The following SORCS3 variants were observed in gnomAD, a reference collection of about 807,000 sequenced individuals.
The protein encoded by SORCS3 is sortilin related VPS10 domain containing receptor 3.
Under a neutral mutation model 146.3 loss-of-function variants are expected in SORCS3, and 57 were observed. The ratio of observed to expected loss-of-function variants is 0.39; its 90% CI spans 0.31 to 0.49. The LOEUF (loss-of-function observed/expected upper bound fraction) is 0.49. Ranked by LOEUF, SORCS3 falls within the 20% of genes least tolerant of loss-of-function variation. The pLI is 0.92. For synonymous variants in SORCS3, 653 were observed against 618.5 expected (o/e 1.06, Z -0.83); for missense variants, 1,341 against 1,575.5 (o/e 0.85, Z 2.52).
chr10:105,019,465 C>T (rs2055186512), intron 4 of SORCS3, among the ~76,000 whole-genome samples: 1 of 152,154 alleles, frequency 6.6e-6, no homozygotes, highest in Admixed American at 6.5e-5. Flanking sequence ...TTTCTGTAAA[C>T]ATTTGCTAGC....
At chr10:104,775,606 A>C (rs1214157281) in intron 1 of SORCS3, among the ~76,000 whole-genome samples, 1 of 152,218 alleles carries the variant, frequency 6.6e-6, no homozygotes, top group Non-Finnish European at 1.5e-5. Flanking sequence ...AGAAAAATAC[A>C]GTGCAGCTGG....
At chr10:104,791,923 A>G (rs780061073) in intron 1 of SORCS3, among the ~76,000 whole-genome samples, 4 of 152,206 alleles carry the variant, frequency 2.6e-5, no homozygotes, top group Non-Finnish European at 4.4e-5. Flanking sequence ...GGTTCTCTGC[A>G]ACTCTGGGAA....
intron 1 of SORCS3, among the ~76,000 whole-genome samples, chr10:104,814,185 C>T (rs1384134327): frequency 6.6e-6 from 1 of 152,108 alleles, no homozygotes; most frequent in Non-Finnish European, 1.5e-5. Flanking sequence ...ATCAGCTTTC[C>T]TTTTTGTGGA....
At chr10:104,751,924 C>CATACATATATATATATAT (rs1554848908) in intron 1 of SORCS3, among the ~76,000 whole-genome samples, 1 of 38,456 alleles carries the variant, frequency 2.6e-5, no homozygotes, top group Admixed American at 4.7e-4. Flanking sequence ...TAATAGGAAG[C>CATACATATATATATATAT]ATATATATAT....
In SORCS3 at chr10:105,066,872, G is replaced by A. The variant is rs75265049; in HGVS notation, c.1029-22903G>A. 0.013 allele frequency among the ~76,000 whole-genome samples: 1,953 copies of A among 152,178 alleles called. 79 individuals carry two copies. In the East Asian group the frequency reaches 0.15, roughly 11 times the overall value. ...TTGAGCCTTCTCTCTCACCAAAAAA[G>A]TAGAGCCTAAAAGACGTAAATGTAC... On this transcript the variant is annotated intron_variant, in intron 5 of 26. Transcript: ENST00000369701.
intron 20 of SORCS3, among the ~76,000 whole-genome samples, chr10:105,239,688 A>T (rs1304628481): frequency 6.6e-6 from 1 of 152,198 alleles, no homozygotes; most frequent in Non-Finnish European, 1.5e-5. Flanking sequence ...GAAGTCAATC[A>T]GCTGCCTGTT....
intron 17 of SORCS3, 71 bp from the exon 18 acceptor site, chr10:105,214,365 AACACAC>A: frequency 2.1e-6 from 3 of 1,433,066 alleles, no homozygotes; most frequent in Non-Finnish European, 2.9e-6. Context: ...TTCCCTTTAT[AACACAC>A]ACACACACAC....
intron 2 of SORCS3, among the ~76,000 whole-genome samples, chr10:104,908,223 C>T (rs1055418980): frequency 1.3e-5 from 2 of 152,214 alleles, no homozygotes; most frequent in African/African-American, 2.4e-5. Context: ...ATAGTTGTAT[C>T]TTTTGATTCT....
intron 1 of SORCS3, among the ~76,000 whole-genome samples, chr10:104,719,625 C>T (rs1021712825): frequency 4.6e-5 from 7 of 152,158 alleles, no homozygotes; most frequent in Admixed American, 2.0e-4. Flanking sequence ...ATCATTTATA[C>T]CTGCCTCCAG....
intron 17 of SORCS3, 26 bp downstream of exon 17, chr10:105,211,276 A>C: frequency 1.3e-6 from 2 of 1,504,736 alleles, no homozygotes; most frequent in Non-Finnish European, 1.8e-6. Context: ...ACAGGAACTC[A>C]GCTCCCTGTT....
intron 1 of SORCS3, among the ~76,000 whole-genome samples, chr10:104,657,717 A>G (rs1230703085): frequency 6.6e-6 from 1 of 152,092 alleles, no homozygotes; most frequent in Non-Finnish European, 1.5e-5. Context: ...GGGCCTTCAG[A>G]CTCTAACATT....
At position 105,008,855 on chromosome 10, in the gene SORCS3, C is replaced by G. The variant is rs181403367; in HGVS notation, c.954+31362C>G. 1.4e-4 allele frequency among the ~76,000 whole-genome samples: 22 copies of G among 152,256 alleles called. No individual in the cohort carries two copies. In the East Asian group the frequency reaches 4.3e-3, roughly 29 times the overall value. On this transcript the variant is annotated intron_variant, in intron 4 of 26. Coordinates refer to ENST00000369701, the MANE Select transcript of SORCS3 (RefSeq NM_014978.3). ...AGAGACAGGGTTTCACCATGTTTCCCAGGCTGGTCTTAAACTCATGAGCTC... is the reference window on the plus strand; with the variant it reads ...AGAGACAGGGTTTCACCATGTTTCCGAGGCTGGTCTTAAACTCATGAGCTC...
At chr10:105,064,129 C>A (rs2055506298) in intron 5 of SORCS3, among the ~76,000 whole-genome samples, 1 of 152,214 alleles carries the variant, frequency 6.6e-6, no homozygotes, top group African/African-American at 2.4e-5. Flanking sequence ...GAAACAGACA[C>A]CGTCTCTGCC....
At chr10:104,955,321 A>C (rs1308084555) in intron 3 of SORCS3, among the ~76,000 whole-genome samples, 1 of 150,432 alleles carries the variant, frequency 6.6e-6, no homozygotes, top group Non-Finnish European at 1.5e-5. Context: ...GTGTTTTCGA[A>C]GTTTTTTTCA....
At chr10:105,071,254 T>G (rs1236924257) in intron 5 of SORCS3, among the ~76,000 whole-genome samples, 1 of 152,196 alleles carries the variant, frequency 6.6e-6, no homozygotes, top group South Asian at 2.1e-4. Context: ...ATAAAATGAA[T>G]GAAAGGCTGT....
intron 3 of SORCS3, among the ~76,000 whole-genome samples, chr10:104,937,929 G>A (rs907849333): frequency 6.6e-6 from 1 of 152,146 alleles, no homozygotes; most frequent in African/African-American, 2.4e-5. Context: ...CAGTGGTTTG[G>A]ATGCAGGTGC....
At chr10:105,072,052 A>AT (rs1369254365) in intron 5 of SORCS3, among the ~76,000 whole-genome samples, 1 of 152,218 alleles carries the variant, frequency 6.6e-6, no homozygotes, top group Non-Finnish European at 1.5e-5. Context: ...AAGTATCAGC[A>AT]TTTTAAGCAG....
intron 7 of SORCS3, among the ~76,000 whole-genome samples, chr10:105,109,436 A>C (rs1432659603): frequency 1.3e-5 from 2 of 152,062 alleles, no homozygotes; most frequent in Admixed American, 1.3e-4. Flanking sequence ...TTTTGATTTT[A>C]GTCTTATAGG....
chr10:105,129,746 A>G (rs898075361), intron 7 of SORCS3, among the ~76,000 whole-genome samples: 1 of 151,956 alleles, frequency 6.6e-6, no homozygotes, highest in African/African-American at 2.4e-5. Context: ...TGAGCATCCT[A>G]AGAACTTCTT....
Sources: gnomAD v4.1 joint callset for allele counts (sites outside exome capture counted in the v4.1 genomes callset) on GRCh38, gnomAD v4.1.1 for gene constraint, MANE v1.5 for transcripts, NCBI Gene and HGNC (gene_info 2026-07-23, HGNC 2026-07-21) for gene names.